SPEF2: variants seen among roughly 807,000 people sequenced by gnomAD.
The protein encoded by SPEF2 is sperm flagella and cilia-associated protein 2.
In SPEF2, 187 loss-of-function variants were observed where a neutral mutation model predicts 224.6. The observed-to-expected ratio is 0.83, with a 90% confidence interval of 0.74 to 0.94. SPEF2 has a LOEUF of 0.94. SPEF2 is among the 40% of genes least tolerant of loss of function. SPEF2 has a pLI of 0.00. For synonymous variants in SPEF2, 715 were observed against 707.3 expected, an observed-to-expected ratio of 1.01 and a Z score of -0.17; for missense variants, 2,170 against 2,135.6, an observed-to-expected ratio of 1.02 and a Z score of -0.32.
intron 24 of SPEF2, 96 bp from the exon 25 acceptor site, chr5:35,759,472 T>A: frequency 9.2e-7 from 1 of 1,091,294 alleles, no homozygotes; most frequent in Middle Eastern, 2.3e-4. Context: ...TCAATCTAAA[T>A]GTTTTCAAAA....
At chr5:35,628,949 A>G (rs763120093) in intron 2 of SPEF2, among the ~76,000 whole-genome samples, 2 of 152,038 alleles carry the variant, frequency 1.3e-5, no homozygotes, top group Non-Finnish European at 2.9e-5. Context: ...TTAACTTCAA[A>G]GAATCATGAA....
intron 8 of SPEF2, among the ~76,000 whole-genome samples, chr5:35,662,981 A>G (rs1749952815): frequency 6.6e-6 from 1 of 152,190 alleles, no homozygotes; most frequent in South Asian, 2.1e-4. Context: ...TTTCTTAACT[A>G]TGCTCACAAA....
intron 31 of SPEF2, among the ~76,000 whole-genome samples, 175 bp from the exon 32 acceptor site, chr5:35,792,984 C>T (rs1756164352): frequency 6.6e-6 from 1 of 152,186 alleles, no homozygotes; most frequent in Non-Finnish European, 1.5e-5. Context: ...TTTCTAGGTG[C>T]TTTCTGGTGT....
rs1423782398 is a variant in SPEF2, at chr5:35,773,999, C to T, written c.4056C>T (p.His1352=). The T allele has an allele frequency of 3.7e-6, 6 of 1,612,482 alleles. No homozygotes were observed. In the Admixed American group the frequency reaches 5.0e-5, roughly 13 times the overall value. ...NELRVKIKEE[H]LAALQFEEIA... is the part of the protein sequence containing the mutation. ...TGAGGGTCAAAATAAAAGAAGAACACCTTGCTGCCTTGCAATTTGAAGGTA... is the reference window on the plus strand; with the variant it reads ...TGAGGGTCAAAATAAAAGAAGAACATCTTGCTGCCTTGCAATTTGAAGGTA... The change falls in exon 28 of 37, where the codon CAC becomes CAT. Residue 1352 remains histidine, a synonymous_variant. Transcript: ENST00000356031.
intron 6 of SPEF2, among the ~76,000 whole-genome samples, chr5:35,652,221 T>C (rs997782361): frequency 5.3e-5 from 8 of 152,222 alleles, no homozygotes; most frequent in Non-Finnish European, 1.0e-4. Context: ...TTCACCTTTA[T>C]TGGAATAAGA....
At chr5:35,646,241 G>A (rs747036645) in intron 4 of SPEF2, among the ~76,000 whole-genome samples, 3 of 152,016 alleles carry the variant, frequency 2.0e-5, no homozygotes, top group African/African-American at 4.8e-5. Flanking sequence ...ATTGGGTTTC[G>A]CAGGAGCCCT....
intron 34 of SPEF2, among the ~76,000 whole-genome samples, chr5:35,801,535 TAAGTG>T (rs1249785662): frequency 6.3e-4 from 95 of 151,718 alleles, no homozygotes; most frequent in African/African-American, 2.2e-3. Flanking sequence ...AATTCCCAAA[TAAGTG>T]AGGAGTTAGG....
intron 34 of SPEF2, among the ~76,000 whole-genome samples, chr5:35,804,892 G>GTGTACCTACA (rs1757875000): frequency 6.6e-6 from 1 of 152,028 alleles, no homozygotes; most frequent in Non-Finnish European, 1.5e-5. Flanking sequence ...TGTTTATCTT[G>GTGTACCTACA]GGTACACAGA....
intron 2 of SPEF2, among the ~76,000 whole-genome samples, chr5:35,631,082 G>C (rs1745042146): frequency 6.6e-6 from 1 of 152,162 alleles, no homozygotes; most frequent in Admixed American, 6.5e-5. Flanking sequence ...AAAGAAAGTT[G>C]TTTTGGACTT....
intron 10 of SPEF2, among the ~76,000 whole-genome samples, chr5:35,690,495 A>G (rs1445348531): frequency 6.6e-6 from 1 of 152,124 alleles, no homozygotes; most frequent in Non-Finnish European, 1.5e-5. Flanking sequence ...CTATATTTCT[A>G]AAATCAACTT....
intron 3 of SPEF2, chr5:35,643,523 A>T (rs1318631298): frequency 2.2e-6 from 1 of 456,116 alleles, no homozygotes; most frequent in East Asian, 6.9e-5. Context: ...GCCACTTATC[A>T]GTTGAGAAAA....
At chr5:35,765,842 G>A (rs1027624713) in intron 26 of SPEF2, among the ~76,000 whole-genome samples, 3 of 151,910 alleles carry the variant, frequency 2.0e-5, no homozygotes, top group Non-Finnish European at 4.4e-5. Flanking sequence ...TACTCTAGAG[G>A]TTTTTTCATG....
At chr5:35,694,479 T>C (rs1755005161) in intron 13 of SPEF2, 116 bp downstream of exon 13, 3 of 879,914 alleles carry the variant, frequency 3.4e-6, no homozygotes, top group African/African-American at 3.4e-5. Flanking sequence ...AGGGGAGTTT[T>C]ACATAGTTGT....
rs1366954166 is a variant in SPEF2 at position 35,727,837 on chromosome 5, G to A, written c.3063+14G>A. On this transcript the variant is annotated intron_variant, in intron 21 of 36. Transcript: ENST00000356031. ...CCAGTTCCTGAGGTATGGCCATTTA[G>A]AATCAAGCTGGCAGAATTCATTCTT... The A allele has an allele frequency of 5.0e-6, 8 of 1,604,798 alleles. No individual in the cohort carries two copies. The highest frequency in any genetic ancestry group is 6.8e-6 in the Non-Finnish European group (8 of 1,176,622).
intron 8 of SPEF2, among the ~76,000 whole-genome samples, chr5:35,660,301 G>C (rs1561150532): frequency 6.6e-6 from 1 of 152,070 alleles, no homozygotes; most frequent in Non-Finnish European, 1.5e-5. Context: ...ATTTTAGATA[G>C]CCTGTCTTTA....
Position 35,780,322 on chromosome 5 carries a change from C to CT in SPEF2, c.4447+977dup, listed in dbSNP as rs372295862. Among the ~76,000 whole-genome samples, 35 of 152,280 alleles carry CT rather than the reference C, an allele frequency of 2.3e-4. 1 individual carries two copies. The highest frequency in any genetic ancestry group is 7.7e-4 in the African/African-American group (32 of 41,558). ...TATCATTAGTAAAAAGAGCATTACT[C>CT]TAAGTCCGAAAGCTTCCTTGCCAAG... is the stretch of plus-strand genomic sequence containing the variant. On this transcript the variant is annotated intron_variant, in intron 30 of 36. Transcript: ENST00000356031.
chr5:35,743,332 A>G (rs1747980459), intron 23 of SPEF2, among the ~76,000 whole-genome samples: 1 of 152,114 alleles, frequency 6.6e-6, no homozygotes, highest in African/African-American at 2.4e-5. Context: ...AATCCAGGCA[A>G]TAAAGGCAGA....
rs1336095332 is a variant in SPEF2 at position 35,763,654 on chromosome 5, G to A, written c.3753G>A (p.Lys1251=). The A allele has an allele frequency of 6.2e-7, 1 of 1,613,794 alleles. No homozygotes were observed. Among genetic ancestry groups the A allele is most frequent in the East Asian group, 2.2e-5 (1 of 44,868 alleles). ...NVESNFEADE[K]LVMDTWQQAS... ...AGTCCAACTTTGAGGCCGATGAAAA[G>A]TTGGTCATGGACACCTGGCAGCAGG... Residue 1251 remains lysine (K), a synonymous_variant, in exon 26 of 37, where the codon AAG becomes AAA. Transcript: ENST00000356031.
At chr5:35,633,906 T>A (rs1371883933) in intron 2 of SPEF2, among the ~76,000 whole-genome samples, 3 of 152,072 alleles carry the variant, frequency 2.0e-5, no homozygotes, top group South Asian at 2.1e-4. Context: ...AAGAAAAAAA[T>A]TTGCTCCAGT....
Sources: gnomAD v4.1 joint callset for allele counts (sites outside exome capture counted in the v4.1 genomes callset) on GRCh38, gnomAD v4.1.1 for gene constraint, MANE v1.5 for transcripts, NCBI Gene and HGNC (gene_info 2026-07-23, HGNC 2026-07-21) for gene names.